Variants in MALRD1 observed in about 807,000 individuals in gnomAD.
The protein encoded by MALRD1 is MAM and LDL receptor class A domain containing 1, also known as MAM and LDL-receptor class A domain-containing protein 1.
A neutral mutation model predicts 242.1 loss-of-function variants in MALRD1; 247 were observed. The observed-to-expected ratio is 1.02, with a 90% confidence interval of 0.92 to 1.13. The LOEUF (loss-of-function observed/expected upper bound fraction) is 1.13, where lower values mean the gene tolerates loss of function less well. Among genes scored for constraint, MALRD1 ranks in the 50% most tolerant of loss-of-function variants. MALRD1 has a pLI of 0.00. For synonymous variants in MALRD1, 995 were observed against 866.6 expected (o/e 1.15, Z -2.60); for missense variants, 2,989 against 2,533.1 (o/e 1.18, Z -3.86).
At position 19,288,483 on chromosome 10, in the gene MALRD1, C is replaced by CTT. The variant is rs534665553; in HGVS notation, c.3419+5306_3419+5307dup. ...CAAAGTATTCATCCTTCTCTGGCTT[C>CTT]TTTTTCATGTGTCATTTTCTTTACA... On this transcript the variant is annotated intron_variant, in intron 21 of 39. Transcript: ENST00000454679. 3.3e-5 allele frequency among the ~76,000 whole-genome samples: 5 copies of CTT among 152,138 alleles called. 1 individual carries two copies. The South Asian group carries it at 1.0e-3, about 32-fold the overall frequency.
At chr10:19,687,960 TATGTTATGTTATG>T (rs1458473419) in intron 36 of MALRD1, among the ~76,000 whole-genome samples, 2 of 151,260 alleles carry the variant, frequency 1.3e-5, no homozygotes, top group East Asian at 1.9e-4. Context: ...TATGTTATGT[TATGTTATGTTATG>T]TTATGTTATT....
At chr10:19,233,233 G>T (rs1271568090) in intron 18 of MALRD1, among the ~76,000 whole-genome samples, 1 of 152,126 alleles carries the variant, frequency 6.6e-6, no homozygotes, top group Non-Finnish European at 1.5e-5. Context: ...TGGGCGCGGT[G>T]GCTCACGCCT....
intron 28 of MALRD1, among the ~76,000 whole-genome samples, chr10:19,411,721 A>G (rs1283561037): frequency 6.6e-6 from 1 of 152,110 alleles, no homozygotes; most frequent in African/African-American, 2.4e-5. Context: ...CACAGCCTTT[A>G]CCCAACATTT....
intron 26 of MALRD1, among the ~76,000 whole-genome samples, chr10:19,357,769 A>T (rs1844701110): frequency 6.6e-6 from 1 of 152,168 alleles, no homozygotes; most frequent in African/African-American, 2.4e-5. Context: ...ACTTTTGGAA[A>T]TGACTCTAGT....
chr10:19,128,398 A>G lies in MALRD1; in HGVS notation c.1110+11A>G. On this transcript the variant is annotated intron_variant, in intron 8 of 39. Coordinates refer to ENST00000454679, the MANE Select transcript of MALRD1 (RefSeq NM_001142308.3). Reference sequence around the variant, plus strand: ...CTGTATAATAATAAGGTAAGAAGAAAGTTGCATTTATTTCAAATTCATTGA... The same window carrying G: ...CTGTATAATAATAAGGTAAGAAGAAGGTTGCATTTATTTCAAATTCATTGA... 1 of 1,231,628 alleles carries G rather than the reference A, an allele frequency of 8.1e-7. No individual in the cohort carries two copies. 76.3% of individuals were successfully genotyped at this position (1,231,628 alleles called of 1,614,324 possible). A position where few individuals can be genotyped will look rare whatever the true frequency, so the allele number is the denominator to read the frequency against.
intron 21 of MALRD1, among the ~76,000 whole-genome samples, chr10:19,310,704 T>C (rs1842391544): frequency 6.6e-6 from 1 of 151,510 alleles, no homozygotes; most frequent in Non-Finnish European, 1.5e-5. Flanking sequence ...ATGCAATTAA[T>C]CCATCTGTTC....
At chr10:19,686,898 C>T (rs1242361504) in intron 36 of MALRD1, among the ~76,000 whole-genome samples, 1 of 152,004 alleles carries the variant, frequency 6.6e-6, no homozygotes, top group Non-Finnish European at 1.5e-5. Context: ...TACAGTCACA[C>T]TTACTAGACA....
intron 19 of MALRD1, among the ~76,000 whole-genome samples, chr10:19,274,382 C>T (rs1053322963): frequency 9.2e-5 from 14 of 152,244 alleles, no homozygotes; most frequent in Admixed American, 4.6e-4. Flanking sequence ...ACATTCCAAC[C>T]CCCAACGTGA....
At chr10:19,066,292 A>C (rs558251327) in intron 1 of MALRD1, among the ~76,000 whole-genome samples, 1 of 152,326 alleles carries the variant, frequency 6.6e-6, no homozygotes, top group African/African-American at 2.4e-5. Context: ...AGGAATCCAT[A>C]GATGCAGAGG....
intron 28 of MALRD1, among the ~76,000 whole-genome samples, chr10:19,441,351 C>A (rs967332409): frequency 1.3e-5 from 2 of 152,162 alleles, no homozygotes; most frequent in Admixed American, 6.5e-5. Flanking sequence ...TTAATTAGAT[C>A]CCATTTGTCA....
chr10:19,410,088 G>A (rs1833211759), intron 28 of MALRD1, among the ~76,000 whole-genome samples: 1 of 152,094 alleles, frequency 6.6e-6, no homozygotes, highest in African/African-American at 2.4e-5. Context: ...CTTGCTCTGT[G>A]TCTGTTCCAA....
chr10:19,719,230 A>ATATATATG (rs1564567425), intron 38 of MALRD1, among the ~76,000 whole-genome samples: 6 of 31,642 alleles, frequency 1.9e-4, no homozygotes, highest in African/African-American at 1.1e-3. Flanking sequence ...ATACATATAT[A>ATATATATG]TATATATATA....
chr10:19,049,166 C>G, intron 1 of MALRD1, 29 bp downstream of exon 1: 1 of 1,233,082 alleles, frequency 8.1e-7, no homozygotes. Context: ...TCTCCAATTT[C>G]AATTCCCCGT....
intron 28 of MALRD1, among the ~76,000 whole-genome samples, chr10:19,408,283 GT>G (rs1358050836): frequency 1.3e-5 from 2 of 152,190 alleles, no homozygotes; most frequent in Admixed American, 1.3e-4. Flanking sequence ...AGGTGCATCT[GT>G]AGGTGAAACT....
intron 38 of MALRD1, among the ~76,000 whole-genome samples, chr10:19,727,501 G>A (rs928826079): frequency 2.0e-5 from 3 of 151,986 alleles, no homozygotes; most frequent in African/African-American, 4.8e-5. Flanking sequence ...ATGCCACTTC[G>A]CACAGTATCT....
intron 36 of MALRD1, among the ~76,000 whole-genome samples, chr10:19,651,170 C>G (rs1840866967): frequency 6.6e-6 from 1 of 152,182 alleles, no homozygotes; most frequent in Admixed American, 6.5e-5. Context: ...TAGTTACTAT[C>G]TTAGTTACAG....
chr10:19,700,473 G>T (rs1369184253), intron 38 of MALRD1, among the ~76,000 whole-genome samples: 1 of 151,828 alleles, frequency 6.6e-6, no homozygotes, highest in African/African-American at 2.4e-5. Context: ...TAGACGAACT[G>T]GACCAGGAAG....
intron 33 of MALRD1, among the ~76,000 whole-genome samples, chr10:19,569,776 T>TTA (rs1176270205): frequency 1.4e-5 from 2 of 147,092 alleles, no homozygotes; most frequent in Non-Finnish European, 3.0e-5. Context: ...TTATATATAA[T>TTA]TATATATATA....
At chr10:19,335,596 G>T (rs1327039319) in intron 24 of MALRD1, among the ~76,000 whole-genome samples, 1 of 152,058 alleles carries the variant, frequency 6.6e-6, no homozygotes, top group East Asian at 1.9e-4. Flanking sequence ...CAAAAGTTTG[G>T]CTGGCAACCA....
Sources: allele counts gnomAD v4.1 joint callset (sites outside exome capture counted in the v4.1 genomes callset), GRCh38; gene constraint gnomAD v4.1.1; transcripts MANE v1.5; gene names NCBI Gene and HGNC (gene_info 2026-07-23, HGNC 2026-07-21).